NMT2: variants seen among roughly 807,000 people sequenced by gnomAD.
NMT2 encodes N-myristoyltransferase 2.
A neutral mutation model predicts 65.4 loss-of-function variants in NMT2; 35 were observed. The ratio of observed to expected loss-of-function variants is 0.54; its 90% CI spans 0.41 to 0.71. The LOEUF (loss-of-function observed/expected upper bound fraction) is 0.71, where lower values mean the gene tolerates loss of function less well. NMT2 is among the 30% of genes least tolerant of loss of function. The probability of loss-of-function intolerance (pLI) is 0.00; values close to 1 mark genes in which losing one functional copy is unlikely to be tolerated. For synonymous variants in NMT2, 226 were observed against 231.8 expected, an observed-to-expected ratio of 0.98 and a Z score of 0.23; for missense variants, 489 against 611.3, an observed-to-expected ratio of 0.80 and a Z score of 2.11.
intron 1 of NMT2, among the ~76,000 whole-genome samples, chr10:15,143,179 A>C (rs1846834931): frequency 6.6e-6 from 1 of 152,218 alleles, no homozygotes; most frequent in Non-Finnish European, 1.5e-5. Context: ...CATTGTTTCA[A>C]CCTCAATGGT....
rs1031571646 is a variant in NMT2, at chr10:15,107,922, T to C, written c.*1273A>G. 2 of 985,504 alleles carry C rather than the reference T, an allele frequency of 2.0e-6. No individual in the cohort carries two copies. The highest frequency in any genetic ancestry group is 3.5e-5 in the African/African-American group (2 of 57,232). The allele number at this position is 985,504 out of a possible 1,614,324, so 61.0% of individuals were successfully genotyped here. A position where few individuals can be genotyped will look rare whatever the true frequency, so the allele number is the denominator to read the frequency against. Reference sequence around the variant, plus strand: ...TCAGTAACAAAATTATGAATACTTATTTACAAATAAGACATTTTCCATTAG... The same window carrying C: ...TCAGTAACAAAATTATGAATACTTACTTACAAATAAGACATTTTCCATTAG... On this transcript the variant is annotated 3_prime_UTR_variant, in exon 12 of 12. Coordinates refer to ENST00000378165, the MANE Select transcript of NMT2 (RefSeq NM_004808.3).
chr10:15,145,965 C>A (rs1478235207), intron 1 of NMT2, among the ~76,000 whole-genome samples: 1 of 152,180 alleles, frequency 6.6e-6, no homozygotes, highest in Non-Finnish European at 1.5e-5. Context: ...CAAGAGAAGA[C>A]TCTCCCTGGA....
intron 1 of NMT2, chr10:15,154,696 G>T (rs1323903723): frequency 4.1e-6 from 2 of 485,466 alleles, no homozygotes; most frequent in Admixed American, 5.4e-5. Context: ...TGCAGTGAGA[G>T]CACAAAGATT....
intron 1 of NMT2, among the ~76,000 whole-genome samples, chr10:15,157,018 A>G (rs1397280425): frequency 6.6e-6 from 1 of 152,180 alleles, no homozygotes; most frequent in African/African-American, 2.4e-5. Context: ...AAATACCCCT[A>G]AAGTAGTGAA....
rs1201948522 is a variant in NMT2, at chr10:15,108,188, CT to C, written c.*1006del. On this transcript the variant is annotated 3_prime_UTR_variant, in exon 12 of 12. Coordinates refer to ENST00000378165, the MANE Select transcript of NMT2 (RefSeq NM_004808.3). ...AGTTAGTCGCGGGTACAGGCTCTTT[CT>C]TTTTTTTTTTTTTTGAGACGGAGTC... is the stretch of plus-strand genomic sequence containing the variant. 96,104 of 739,872 alleles carry C rather than the reference CT, an allele frequency of 0.13. No homozygotes were observed. The highest frequency in any genetic ancestry group is 0.15 in the Non-Finnish European group (88,862 of 610,606). The allele number at this position is 739,872 out of a possible 1,614,324, so 45.8% of individuals were successfully genotyped here.
At chr10:15,153,287 A>T (rs906817293) in intron 1 of NMT2, among the ~76,000 whole-genome samples, 1 of 152,238 alleles carries the variant, frequency 6.6e-6, no homozygotes, top group African/African-American at 2.4e-5. Flanking sequence ...TAAAACTAAA[A>T]GGAGGTTGAT....
intron 2 of NMT2, 58 bp downstream of exon 2, chr10:15,141,355 CTAAACTGCG>C: frequency 6.3e-7 from 1 of 1,590,042 alleles, no homozygotes; most frequent in Non-Finnish European, 8.6e-7. Context: ...CAGCAGCGCG[CTAAACTGCG>C]TAAACCCACT....
intron 1 of NMT2, among the ~76,000 whole-genome samples, chr10:15,143,993 T>C (rs1321003368): frequency 6.6e-6 from 1 of 152,204 alleles, no homozygotes; most frequent in East Asian, 1.9e-4. Flanking sequence ...CTTAAGTAAG[T>C]TTATATCACT....
intron 8 of NMT2, among the ~76,000 whole-genome samples, chr10:15,120,496 C>A (rs1173628982): frequency 2.0e-5 from 3 of 152,034 alleles, no homozygotes; most frequent in African/African-American, 7.2e-5. Flanking sequence ...GATGTGCATA[C>A]ATTATATGCA....
chr10:15,167,023 T>C (rs1007077611), intron 1 of NMT2, among the ~76,000 whole-genome samples: 2 of 152,214 alleles, frequency 1.3e-5, no homozygotes, highest in African/African-American at 4.8e-5. Flanking sequence ...GTACTGAAGC[T>C]AATCCATCAG....
intron 1 of NMT2, among the ~76,000 whole-genome samples, chr10:15,157,718 T>A (rs76335723): frequency 0.015 from 2,338 of 152,338 alleles, 221 homozygotes; most frequent in Admixed American, 0.14. Context: ...ATTTGCAATA[T>A]TCTTTAAGCA....
chr10:15,129,080 A>G (rs1243292597), intron 7 of NMT2, among the ~76,000 whole-genome samples: 1 of 152,196 alleles, frequency 6.6e-6, no homozygotes, highest in African/African-American at 2.4e-5. Context: ...ATTCTACAAA[A>G]GGCCAATCAG....
At chr10:15,142,761 T>C (rs1846821176) in intron 1 of NMT2, among the ~76,000 whole-genome samples, 1 of 152,352 alleles carries the variant, frequency 6.6e-6, no homozygotes, top group South Asian at 2.1e-4. Flanking sequence ...GATGTTTATA[T>C]TTAAAATCAC....
chr10:15,120,591 A>C (rs2131504157), intron 8 of NMT2, among the ~76,000 whole-genome samples: 1 of 152,330 alleles, frequency 6.6e-6, no homozygotes, highest in East Asian at 1.9e-4. Context: ...CCAATCCTTC[A>C]TGGTTTCTGA....
chr10:15,134,429 C>A (rs1334829803), intron 3 of NMT2, among the ~76,000 whole-genome samples: 2 of 152,178 alleles, frequency 1.3e-5, no homozygotes, highest in Non-Finnish European at 1.5e-5. Context: ...GGGACGGGCC[C>A]CTTGGAATTC....
intron 7 of NMT2, among the ~76,000 whole-genome samples, chr10:15,129,792 C>T (rs982781135): frequency 7.2e-5 from 11 of 151,754 alleles, no homozygotes; most frequent in African/African-American, 2.7e-4. Context: ...GCCTGTAATC[C>T]CAGCTACTCG....
chr10:15,114,442 A>AAAAACAAAACAAAAC (rs921435232), intron 9 of NMT2, among the ~76,000 whole-genome samples: 1 of 152,192 alleles, frequency 6.6e-6, no homozygotes, highest in Non-Finnish European at 1.5e-5. Flanking sequence ...AAGACTGATA[A>AAAAACAAAACAAAAC]AAAACAAAAC....
At chr10:15,134,589 C>T (rs1393348586) in intron 3 of NMT2, among the ~76,000 whole-genome samples, 1 of 152,196 alleles carries the variant, frequency 6.6e-6, no homozygotes, top group Non-Finnish European at 1.5e-5. Context: ...GTGCCCTGGA[C>T]TATGCCTGGC....
intron 6 of NMT2, 124 bp from the exon 7 acceptor site, chr10:15,130,436 C>T: frequency 1.3e-6 from 1 of 772,298 alleles, no homozygotes. Context: ...GCTGGGAACA[C>T]TGGCTGTCGC....
Sources: allele counts gnomAD v4.1 joint callset (sites outside exome capture counted in the v4.1 genomes callset), GRCh38; gene constraint gnomAD v4.1.1; transcripts MANE v1.5; gene names NCBI Gene and HGNC (gene_info 2026-07-23, HGNC 2026-07-21).